Variants in SMG6 observed in about 807,000 individuals in gnomAD.
SMG6 encodes SMG6 nonsense mediated mRNA decay factor, also known as telomerase-binding protein EST1A.
In SMG6, 66 loss-of-function variants were observed where a neutral mutation model predicts 142.2. That is an observed-to-expected ratio of 0.46 (90% CI 0.38 to 0.57). The LOEUF (loss-of-function observed/expected upper bound fraction) is 0.57. Ranked by LOEUF, SMG6 falls within the 20% of genes least tolerant of loss-of-function variation. SMG6 has a pLI of 0.00. For missense variants in SMG6, 1,793 were observed against 1,832.0 expected (o/e 0.98, Z 0.39); for synonymous variants, 779 against 702.4 (o/e 1.11, Z -1.72).
intron 9 of SMG6, among the ~76,000 whole-genome samples, chr17:2,241,175 C>T (rs2073791994): frequency 6.6e-6 from 1 of 152,138 alleles, no homozygotes; most frequent in Admixed American, 6.5e-5. Flanking sequence ...ATTGGGCTGG[C>T]TTTACCTTTT....
At chr17:2,113,995 C>T (rs1208037508) in intron 13 of SMG6, among the ~76,000 whole-genome samples, 11 of 152,226 alleles carry the variant, frequency 7.2e-5, no homozygotes, top group Non-Finnish European at 1.5e-4. Context: ...AGGCCAGGCA[C>T]GGTGGCTCAC....
At chr17:2,246,665 G>A in intron 8 of SMG6, among the ~76,000 whole-genome samples, 1 of 152,222 alleles carries the variant, frequency 6.6e-6, no homozygotes, top group East Asian at 1.9e-4. Context: ...AATGGAAGAG[G>A]CCGGGTGCAG....
rs1444330016 is a variant in SMG6 at position 2,090,198 on chromosome 17, A to G, written c.3358-4297T>C. On this transcript the variant is annotated intron_variant, in intron 13 of 18. Transcript: ENST00000263073. The stretch of plus-strand genomic sequence containing the variant: ...ACTCTGTCTCAAAAAAAAAAAAAAA[A>G]AAAAGGAAAGAAGAAAAAATGGTGT... Among the ~76,000 whole-genome samples the G allele has an allele frequency of 7.5e-3, 1,131 of 151,158 alleles. 10 individuals carry two copies. The highest frequency in any genetic ancestry group is 0.024 in the African/African-American group (979 of 41,098).
chr17:2,126,940 G>A (rs8067895), intron 13 of SMG6, among the ~76,000 whole-genome samples: 52,731 of 151,404 alleles, frequency 0.35, 9,907 homozygotes, highest in African/African-American at 0.49. Context: ...GCACACATGC[G>A]CACACATGCA....
At chr17:2,206,254 G>A (rs986826842) in intron 10 of SMG6, among the ~76,000 whole-genome samples, 2 of 151,868 alleles carry the variant, frequency 1.3e-5, no homozygotes, top group African/African-American at 4.8e-5. Flanking sequence ...CCCATATATA[G>A]GAATAAGTTA....
chr17:2,111,174 A>G (rs567442466), intron 13 of SMG6, among the ~76,000 whole-genome samples: 1 of 151,014 alleles, frequency 6.6e-6, no homozygotes, highest in Admixed American at 6.6e-5. Flanking sequence ...AGCAGTGAAT[A>G]AAACAATGCT....
intron 13 of SMG6, among the ~76,000 whole-genome samples, chr17:2,157,768 G>T (rs559655260): frequency 6.6e-6 from 1 of 152,206 alleles, no homozygotes; most frequent in Admixed American, 6.5e-5. Context: ...AAAAACCTCA[G>T]AACACTCATT....
At chr17:2,169,647 G>A (rs2071444730) in intron 13 of SMG6, among the ~76,000 whole-genome samples, 1 of 152,150 alleles carries the variant, frequency 6.6e-6, no homozygotes, top group African/African-American at 2.4e-5. Flanking sequence ...GGATGTCAAT[G>A]TGACTAGAGC....
chr17:2,105,163 G>A (rs12935888), intron 13 of SMG6, among the ~76,000 whole-genome samples: 2 of 137,578 alleles, frequency 1.5e-5, no homozygotes, highest in East Asian at 4.3e-4. Flanking sequence ...CTGGACTCAA[G>A]CAATCCTCCC....
intron 13 of SMG6, chr17:2,127,355 C>T (rs541887995): frequency 2.4e-5 from 13 of 547,364 alleles, no homozygotes; most frequent in African/African-American, 7.7e-5. Flanking sequence ...CTTAATGCCA[C>T]TGAGTTGTAC....
intron 6 of SMG6, among the ~76,000 whole-genome samples, chr17:2,291,332 G>GA (rs547897407): frequency 9.2e-4 from 121 of 131,116 alleles, no homozygotes; most frequent in South Asian, 2.8e-3. Flanking sequence ...CTCCGTCTCA[G>GA]AAAAAAAAAA....
chr17:2,170,338 G>A (rs2071464906), intron 13 of SMG6, among the ~76,000 whole-genome samples: 1 of 152,156 alleles, frequency 6.6e-6, no homozygotes, highest in African/African-American at 2.4e-5. Context: ...GATGAAGATG[G>A]GGCGTAGGAA....
chr17:2,206,107 C>T (rs762283773), intron 10 of SMG6, among the ~76,000 whole-genome samples: 33 of 152,228 alleles, frequency 2.2e-4, no homozygotes, highest in Non-Finnish European at 4.0e-4. Context: ...TTGCACCCAG[C>T]CTGAAAATAT....
intron 8 of SMG6, among the ~76,000 whole-genome samples, chr17:2,280,089 T>C (rs774496474): frequency 6.6e-6 from 1 of 152,130 alleles, no homozygotes; most frequent in Non-Finnish European, 1.5e-5. Context: ...TCCTCAATGC[T>C]TACTTCTTAT....
chr17:2,257,808 T>C (rs1385749372), intron 8 of SMG6, among the ~76,000 whole-genome samples: 1 of 151,130 alleles, frequency 6.6e-6, no homozygotes, highest in Non-Finnish European at 1.5e-5. Flanking sequence ...GATCAAGAGC[T>C]CGAGACCAGC....
chr17:2,251,050 G>C (rs758879852), intron 8 of SMG6, among the ~76,000 whole-genome samples: 3 of 151,572 alleles, frequency 2.0e-5, no homozygotes, highest in Non-Finnish European at 4.4e-5. Context: ...CCACACCTAA[G>C]ACAAGGCCTA....
At chr17:2,194,323 A>C (rs1462068857) in intron 10 of SMG6, among the ~76,000 whole-genome samples, 1 of 152,232 alleles carries the variant, frequency 6.6e-6, no homozygotes, top group Non-Finnish European at 1.5e-5. Flanking sequence ...AATATTTTAT[A>C]AAGATTAATC....
At chr17:2,081,598 C>T (rs1409180147) in intron 15 of SMG6, among the ~76,000 whole-genome samples, 4 of 152,124 alleles carry the variant, frequency 2.6e-5, no homozygotes, top group Non-Finnish European at 5.9e-5. Flanking sequence ...AAGACCGTAC[C>T]CCTGCCTTGG....
At chr17:2,210,133 G>A (rs2072805289) in intron 10 of SMG6, among the ~76,000 whole-genome samples, 1 of 152,260 alleles carries the variant, frequency 6.6e-6, no homozygotes, top group Non-Finnish European at 1.5e-5. Flanking sequence ...CTCCTTGCTG[G>A]ACTGGGTAAG....
Sources: gnomAD v4.1 joint callset for allele counts (sites outside exome capture counted in the v4.1 genomes callset) on GRCh38, gnomAD v4.1.1 for gene constraint, MANE v1.5 for transcripts, NCBI Gene and HGNC (gene_info 2026-07-23, HGNC 2026-07-21) for gene names.